Variants in CSMD1 observed in about 807,000 individuals in gnomAD.
CSMD1 encodes CUB and sushi domain-containing protein 1.
CSMD1 carries 213 observed loss-of-function variants against 417.5 expected under a neutral mutation model. That is an observed-to-expected ratio of 0.51 (90% CI 0.46 to 0.57). The LOEUF (loss-of-function observed/expected upper bound fraction) is 0.57, where lower values mean the gene tolerates loss of function less well. Among genes scored for constraint, CSMD1 ranks in the 20% least tolerant of loss-of-function variants. CSMD1 has a pLI of 0.00. For missense variants in CSMD1, 6,923 were observed against 4,529.7 expected (o/e 1.53, Z -15.17); for synonymous variants, 2,862 against 1,736.8 (o/e 1.65, Z -16.11).
intron 3 of CSMD1, among the ~76,000 whole-genome samples, chr8:4,293,210 A>G (rs536073656): frequency 5.9e-5 from 9 of 152,188 alleles, no homozygotes; most frequent in Admixed American, 1.3e-4. Flanking sequence ...AGAGAGCCCA[A>G]TGATGCCGTC....
At chr8:4,127,978 C>G (rs1402748862) in intron 3 of CSMD1, among the ~76,000 whole-genome samples, 2 of 152,154 alleles carry the variant, frequency 1.3e-5, no homozygotes, top group East Asian at 3.9e-4. Flanking sequence ...TGGTAAATGC[C>G]ACTGCTTTGG....
intron 10 of CSMD1, among the ~76,000 whole-genome samples, chr8:3,524,664 CA>C (rs1296328490): frequency 6.8e-6 from 1 of 147,956 alleles, no homozygotes; most frequent in Non-Finnish European, 1.5e-5. Context: ...CAGACCCATG[CA>C]AAAACACATG....
chr8:3,492,812 C>T (rs968175080), intron 11 of CSMD1, among the ~76,000 whole-genome samples: 14 of 152,118 alleles, frequency 9.2e-5, no homozygotes, highest in South Asian at 4.1e-4. Flanking sequence ...TTCAAAGGTA[C>T]ACTGAGTCAC....
Position 4,592,411 on chromosome 8 carries a change from G to A in CSMD1, c.302+44931C>T, listed in dbSNP as rs192333253. Among the ~76,000 whole-genome samples the A allele has an allele frequency of 4.0e-3, 613 of 151,876 alleles. 5 individuals are homozygous for A. Among genetic ancestry groups the A allele is most frequent in the African/African-American group, 0.015 (601 of 41,436 alleles). Reference sequence around the variant, plus strand: ...TTATCGCTTTGTTGTTTTTGAGGTGGAGTCTTACTCCATCTCCCAGGCTGG... The same window carrying A: ...TTATCGCTTTGTTGTTTTTGAGGTGAAGTCTTACTCCATCTCCCAGGCTGG... On this transcript the variant is annotated intron_variant, in intron 2 of 69. Coordinates refer to ENST00000635120, the MANE Select transcript of CSMD1 (RefSeq NM_033225.6).
At chr8:4,590,889 G>GTA (rs1475284119) in intron 2 of CSMD1, among the ~76,000 whole-genome samples, 1 of 152,120 alleles carries the variant, frequency 6.6e-6, no homozygotes, top group Non-Finnish European at 1.5e-5. Context: ...AGAACTCATC[G>GTA]TACACATTTC....
At chr8:4,046,196 G>C (rs924778819) in intron 3 of CSMD1, among the ~76,000 whole-genome samples, 1 of 152,096 alleles carries the variant, frequency 6.6e-6, no homozygotes, top group South Asian at 2.1e-4. Context: ...GTGCGTGTGT[G>C]TGTAGAAAAT....
At chr8:4,407,059 C>T (rs542152781) in intron 3 of CSMD1, among the ~76,000 whole-genome samples, 1 of 152,246 alleles carries the variant, frequency 6.6e-6, no homozygotes, top group African/African-American at 2.4e-5. Context: ...GAAACACGGC[C>T]AAGGTCACTC....
intron 3 of CSMD1, among the ~76,000 whole-genome samples, chr8:4,248,948 C>G (rs987320420): frequency 6.6e-6 from 1 of 152,134 alleles, no homozygotes; most frequent in African/African-American, 2.4e-5. Context: ...ATGCATAATA[C>G]CATAATGCTA....
intron 3 of CSMD1, among the ~76,000 whole-genome samples, chr8:4,079,435 C>T (rs1437853648): frequency 6.6e-6 from 1 of 152,180 alleles, no homozygotes; most frequent in Non-Finnish European, 1.5e-5. Flanking sequence ...GGATATAGAA[C>T]ACCATCAGGC....
At chr8:4,489,401 T>C (rs1801584056) in intron 2 of CSMD1, among the ~76,000 whole-genome samples, 1 of 152,148 alleles carries the variant, frequency 6.6e-6, no homozygotes, top group South Asian at 2.1e-4. Context: ...CACCAAAACA[T>C]TTACCATTCT....
intron 1 of CSMD1, among the ~76,000 whole-genome samples, chr8:4,937,355 C>T (rs1335517209): frequency 6.6e-6 from 1 of 152,168 alleles, no homozygotes; most frequent in East Asian, 1.9e-4. Context: ...AGTGAAAGCA[C>T]ACCTGCTGGG....
intron 3 of CSMD1, among the ~76,000 whole-genome samples, chr8:4,137,381 G>C (rs1260366564): frequency 1.3e-5 from 1 of 77,370 alleles, no homozygotes; most frequent in African/African-American, 3.0e-5. Flanking sequence ...ATGCTAAATA[G>C]ATTAATGAAG....
At chr8:3,127,494 G>T (rs765416016) in intron 41 of CSMD1, 6 of 152,158 alleles carry the variant, frequency 3.9e-5, no homozygotes, top group Non-Finnish European at 8.8e-5. Context: ...CCTGGAGGTG[G>T]CTTAATTGCT....
chr8:3,162,252 T>G lies in CSMD1; in HGVS notation c.5751A>C (p.Glu1917Asp), dbSNP rs775920814. ...YKTVGLAACQ[E>D]PALPSNSIKI... Reference sequence around the variant, plus strand: ...TGATGCTGTTGCTGGGGAGGGCTGGTTCTTGGCATGCAGCAAGACCTACAG... The same window carrying G: ...TGATGCTGTTGCTGGGGAGGGCTGGGTCTTGGCATGCAGCAAGACCTACAG... Residue 1917 changes from glutamate to aspartate, a missense_variant, in exon 38 of 70, where the codon GAA (glutamate) becomes GAC (aspartate). Glu to Asp is a conservative substitution (Grantham distance 45). Coordinates refer to ENST00000635120, the MANE Select transcript of CSMD1 (RefSeq NM_033225.6). 1 of 1,609,586 alleles carries G rather than the reference T, an allele frequency of 6.2e-7. No individual in the cohort carries two copies. Among genetic ancestry groups the G allele is most frequent in the Admixed American group, 1.7e-5 (1 of 59,506 alleles).
Position 3,270,488 on chromosome 8 carries a change from T to C in CSMD1, c.4153+13656A>G, listed in dbSNP as rs145986091. ...ACTATGGTTACTTAAAAAATGACCATTGAACTTCATAAAACTATTCTGCCT... is the reference window on the plus strand; with the variant it reads ...ACTATGGTTACTTAAAAAATGACCACTGAACTTCATAAAACTATTCTGCCT... On this transcript the variant is annotated intron_variant, in intron 26 of 69. Transcript: ENST00000635120. Among the ~76,000 whole-genome samples the C allele has an allele frequency of 9.8e-4, 149 of 152,358 alleles. 1 individual carries two copies. The highest frequency in any genetic ancestry group is 3.2e-3 in the African/African-American group (135 of 41,576).
intron 10 of CSMD1, among the ~76,000 whole-genome samples, chr8:3,574,098 A>G (rs1422147251): frequency 3.9e-5 from 6 of 152,210 alleles, no homozygotes; most frequent in Non-Finnish European, 8.8e-5. Flanking sequence ...ATTACCCTCT[A>G]TTACTACCCT....
At chr8:4,803,009 C>T (rs906087291) in intron 1 of CSMD1, among the ~76,000 whole-genome samples, 2 of 152,034 alleles carry the variant, frequency 1.3e-5, no homozygotes, top group Non-Finnish European at 2.9e-5. Context: ...AGTAAAGTCA[C>T]CAGATATCAT....
At chr8:3,893,452 G>C (rs1807136399) in intron 5 of CSMD1, among the ~76,000 whole-genome samples, 1 of 149,592 alleles carries the variant, frequency 6.7e-6, no homozygotes, top group African/African-American at 2.4e-5. Flanking sequence ...AGGACAGTAT[G>C]ATAGCTTTTG....
At chr8:3,701,086 GGACT>G (rs1254000539) in intron 7 of CSMD1, among the ~76,000 whole-genome samples, 1 of 151,956 alleles carries the variant, frequency 6.6e-6, no homozygotes, top group African/African-American at 2.4e-5. Context: ...GAAGGTCTAG[GGACT>G]GAATGGTGGA....
Sources: allele counts gnomAD v4.1 joint callset (sites outside exome capture counted in the v4.1 genomes callset), GRCh38; gene constraint gnomAD v4.1.1; transcripts MANE v1.5; gene names NCBI Gene and HGNC (gene_info 2026-07-23, HGNC 2026-07-21).